ZYG11A: variants seen among roughly 807,000 people sequenced by gnomAD.
ZYG11A encodes the protein protein zyg-11 homolog A.
ZYG11A carries 62 observed loss-of-function variants against 77.2 expected under a neutral mutation model. The ratio of observed to expected loss-of-function variants is 0.80; its 90% CI spans 0.65 to 0.99. The LOEUF (loss-of-function observed/expected upper bound fraction) is 0.99, where lower values mean the gene tolerates loss of function less well. Among genes scored for constraint, ZYG11A ranks in the 50% least tolerant of loss-of-function variants. The pLI is 0.00. For synonymous variants in ZYG11A, 315 were observed against 324.6 expected (o/e 0.97, Z 0.32); for missense variants, 828 against 896.8 (o/e 0.92, Z 0.98).
At chr1:52,864,936 C>A (rs530873334) in intron 5 of ZYG11A, among the ~76,000 whole-genome samples, 4 of 151,812 alleles carry the variant, frequency 2.6e-5, no homozygotes, top group Non-Finnish European at 5.9e-5. Flanking sequence ...CAGACGTGAG[C>A]CCCCGCGCCT....
At position 52,864,152 on chromosome 1, in the gene ZYG11A, C is replaced by T; in HGVS notation, c.1321C>T (p.Gln441Ter). Residue 441 changes from glutamine to a stop codon, truncating the protein, a stop_gained, in exon 5 of 14, where the codon CAG (glutamine) becomes TAG (stop). Transcript: ENST00000371528. LOFTEE classifies it high-confidence loss of function. ...FKALKNFPHY[Q>*]QLQKNCLLSL... ...GGCTCTGAAAAATTTCCCCCATTACCAGCAGGTAATTTCAATTGAATATTT... is the reference window on the plus strand; with the variant it reads ...GGCTCTGAAAAATTTCCCCCATTACTAGCAGGTAATTTCAATTGAATATTT... 6.4e-7 allele frequency: 1 copy of T among 1,551,270 alleles called. No individual in the cohort carries two copies. Among genetic ancestry groups the T allele is most frequent in the East Asian group, 2.4e-5 (1 of 40,932 alleles).
At chr1:52,874,821 C>T (rs1333955550) in intron 8 of ZYG11A, among the ~76,000 whole-genome samples, 1 of 152,138 alleles carries the variant, frequency 6.6e-6, no homozygotes, top group Non-Finnish European at 1.5e-5. Context: ...GAGCTGAGAT[C>T]ATGCCACTGC....
Position 52,844,643 on chromosome 1 carries a change from TA to T in ZYG11A, c.90+1674del, listed in dbSNP as rs952849491. 3.9e-5 allele frequency among the ~76,000 whole-genome samples: 6 copies of T among 152,172 alleles called. No homozygotes were observed. The East Asian group carries it at 1.2e-3, about 29-fold the overall frequency. Reference sequence around the variant, plus strand: ...TAGCAATGTTTTGTAGTTTTTAATATAAAAGTCTTTTCACATTTTGTTAAAT... The same window carrying T: ...TAGCAATGTTTTGTAGTTTTTAATATAAAGTCTTTTCACATTTTGTTAAAT... On this transcript the variant is annotated intron_variant, in intron 1 of 13. Transcript: ENST00000371528.
chr1:52,851,001 A>G (rs1645698962), intron 1 of ZYG11A, among the ~76,000 whole-genome samples: 1 of 151,814 alleles, frequency 6.6e-6, no homozygotes, highest in Non-Finnish European at 1.5e-5. Context: ...TATGGATGCT[A>G]CTTTGAGTGT....
chr1:52,860,659 A>G, intron 3 of ZYG11A, 72 bp from the exon 4 acceptor site: 1 of 1,506,688 alleles, frequency 6.6e-7, no homozygotes, highest in Non-Finnish European at 9.0e-7. Context: ...TGCCCCAAAA[A>G]CCCTGTGGTT....
intron 8 of ZYG11A, among the ~76,000 whole-genome samples, chr1:52,876,070 G>A (rs1216801457): frequency 6.6e-6 from 1 of 152,080 alleles, no homozygotes; most frequent in East Asian, 1.9e-4. Context: ...GGAAGAGTGG[G>A]TGTATTTCTC....
intron 8 of ZYG11A, among the ~76,000 whole-genome samples, chr1:52,871,244 C>T (rs568518645): frequency 6.6e-6 from 1 of 152,120 alleles, no homozygotes; most frequent in Non-Finnish European, 1.5e-5. Context: ...TGGGCTCAAG[C>T]GACCCTCTTG....
chr1:52,858,819 G>C (rs894317354), intron 3 of ZYG11A, among the ~76,000 whole-genome samples: 1 of 150,846 alleles, frequency 6.6e-6, no homozygotes, highest in African/African-American at 2.4e-5. Flanking sequence ...TCACTATGTT[G>C]GTCAGGCTGG....
chr1:52,851,032 A>G (rs1390754995), intron 1 of ZYG11A, among the ~76,000 whole-genome samples: 1 of 152,008 alleles, frequency 6.6e-6, no homozygotes, highest in Non-Finnish European at 1.5e-5. Flanking sequence ...TTTGCAATTC[A>G]GAGACTTAAA....
chr1:52,866,104 A>T (rs2150004076), intron 5 of ZYG11A, among the ~76,000 whole-genome samples: 1 of 151,662 alleles, frequency 6.6e-6, no homozygotes, highest in Non-Finnish European at 1.5e-5. Flanking sequence ...CGCCCGGCTA[A>T]TTTTTTGTAT....
chr1:52,867,600 A>G lies in ZYG11A; in HGVS notation c.1453A>G (p.Thr485Ala), dbSNP rs1167127716. The G allele has an allele frequency of 1.9e-6, 3 of 1,552,222 alleles. No individual in the cohort carries two copies. Among genetic ancestry groups the G allele is most frequent in the Non-Finnish European group, 2.6e-6 (3 of 1,147,134 alleles). ...LCKHENPKMQTMAVSVTSILA... is the reference protein window; with the variant it reads ...LCKHENPKMQAMAVSVTSILA... ...TAAGCATGAAAACCCCAAGATGCAA[A>G]CAATGGCAGTGAGTGTCACCTCTAT... The change falls in exon 7 of 14, where the codon ACA becomes GCA. Residue 485 changes from threonine to alanine, a missense_variant. By Grantham distance (58) the Thr-to-Ala change is moderately conservative. Coordinates refer to ENST00000371528, the MANE Select transcript of ZYG11A (RefSeq NM_001004339.3).
rs537253819 is a variant in ZYG11A, at chr1:52,854,311, TG to T, written c.91-153del. On this transcript the variant is annotated intron_variant, in intron 1 of 13. Transcript: ENST00000371528. ...TTTTCCATTCAGTTAACAGTAGGAA[TG>T]AGGTGGTTTCGTTACATATAAATCA... Among the ~76,000 whole-genome samples the T allele has an allele frequency of 1.1e-3, 170 of 152,316 alleles. 1 individual carries two copies. The highest frequency in any genetic ancestry group is 6.8e-3 in the Middle Eastern group (2 of 294).
intron 8 of ZYG11A, among the ~76,000 whole-genome samples, chr1:52,871,832 GA>G (rs1646173091): frequency 6.6e-6 from 1 of 152,146 alleles, no homozygotes; most frequent in Non-Finnish European, 1.5e-5. Flanking sequence ...TTTTCTTTGG[GA>G]TTGTATTATA....
At chr1:52,845,814 C>G (rs894435582) in intron 1 of ZYG11A, among the ~76,000 whole-genome samples, 1 of 151,666 alleles carries the variant, frequency 6.6e-6, no homozygotes, top group Non-Finnish European at 1.5e-5. Context: ...AGTAGCTAGA[C>G]TATAGGTGTG....
intron 8 of ZYG11A, among the ~76,000 whole-genome samples, chr1:52,869,642 C>T (rs1390732912): frequency 3.3e-5 from 5 of 152,004 alleles, no homozygotes; most frequent in Admixed American, 2.6e-4. Flanking sequence ...CCATGTCTAC[C>T]TCTTTCTACA....
intron 1 of ZYG11A, among the ~76,000 whole-genome samples, chr1:52,845,705 T>C (rs868085654): frequency 4.6e-5 from 7 of 152,080 alleles, no homozygotes; most frequent in African/African-American, 1.7e-4. Context: ...AAAATGTATT[T>C]TTTAAATTGA....
chr1:52,852,001 G>T (rs1370144036), intron 1 of ZYG11A, among the ~76,000 whole-genome samples: 3 of 150,106 alleles, frequency 2.0e-5, no homozygotes, highest in Non-Finnish European at 4.4e-5. Flanking sequence ...TGCAACCTCC[G>T]CCTCCCGGGT....
chr1:52,884,493 C>CAAA (rs533428837), intron 11 of ZYG11A, among the ~76,000 whole-genome samples: 24 of 98,888 alleles, frequency 2.4e-4, no homozygotes, highest in Admixed American at 3.3e-4. Context: ...GAGACTGCCT[C>CAAA]AAAAAAAAAA....
At chr1:52,874,672 G>A (rs930898348) in intron 8 of ZYG11A, among the ~76,000 whole-genome samples, 2 of 152,054 alleles carry the variant, frequency 1.3e-5, no homozygotes, top group African/African-American at 4.8e-5. Context: ...TTTGAGACCA[G>A]CCTGGCCAAC....
Sources: allele counts gnomAD v4.1 joint callset (sites outside exome capture counted in the v4.1 genomes callset), GRCh38; gene constraint gnomAD v4.1.1; transcripts MANE v1.5; gene names NCBI Gene and HGNC (gene_info 2026-07-23, HGNC 2026-07-21).